The following ARHGAP8 variants were observed in gnomAD, a reference collection of about 807,000 sequenced individuals.
ARHGAP8 encodes rho GTPase-activating protein 8.
ARHGAP8 carries 62 observed loss-of-function variants against 46.1 expected under a neutral mutation model. That is an observed-to-expected ratio of 1.34 (90% confidence interval 1.10 to 1.66). The LOEUF is 1.66. Among genes scored for constraint, ARHGAP8 ranks in the 40% most tolerant of loss-of-function variants. The probability of loss-of-function intolerance (pLI) is 0.00; values close to 1 mark genes in which losing one functional copy is unlikely to be tolerated. For synonymous variants in ARHGAP8, 375 were observed against 243.1 expected, an observed-to-expected ratio of 1.54 and a Z score of -5.05; for missense variants, 923 against 568.4, an observed-to-expected ratio of 1.62 and a Z score of -6.34.
At chr22:44,759,474 G>A (rs1924953758) in intron 1 of ARHGAP8, among the ~76,000 whole-genome samples, 1 of 152,164 alleles carries the variant, frequency 6.6e-6, no homozygotes, top group Non-Finnish European at 1.5e-5. Flanking sequence ...GGGTGCATTA[G>A]CCCATGTAGC....
At position 44,786,518 on chromosome 22, in the gene ARHGAP8, G is replaced by A. The variant is rs753520656; in HGVS notation, c.-10G>A. 1.3e-5 allele frequency: 21 copies of A among 1,613,488 alleles called. No individual in the cohort carries two copies. The highest frequency in any genetic ancestry group is 7.7e-5 in the South Asian group (7 of 90,972). On this transcript the variant is annotated 5_prime_UTR_variant, in exon 2 of 12. Transcript: ENST00000356099. ...TGGGTGCAGTGAGGAAGAGGCCCTCGGTGGTGCCCATGGCTGGCCAGGATC... is the reference window on the plus strand; with the variant it reads ...TGGGTGCAGTGAGGAAGAGGCCCTCAGTGGTGCCCATGGCTGGCCAGGATC...
At chr22:44,818,632 A>T (rs986214985) in intron 5 of ARHGAP8, among the ~76,000 whole-genome samples, 1 of 152,180 alleles carries the variant, frequency 6.6e-6, no homozygotes, top group Non-Finnish European at 1.5e-5. Flanking sequence ...TATTTAAGTC[A>T]TTCCATTGTC....
At position 44,771,597 on chromosome 22, in the gene ARHGAP8, C is replaced by G. The variant is rs185964514; in HGVS notation, c.-71-14860C>G. Among the ~76,000 whole-genome samples the G allele has an allele frequency of 3.3e-3, 492 of 151,306 alleles. 2 individuals are homozygous for G. Among genetic ancestry groups the G allele is most frequent in the Non-Finnish European group, 5.7e-3 (386 of 67,892 alleles). ...GAGACAAAGTCTTGCTCTTGTCCCC[C>G]AGGCTGCAGTGCAATGGCGCAATCT... is the stretch of plus-strand genomic sequence containing the variant. On this transcript the variant is annotated intron_variant, in intron 1 of 11. Coordinates refer to ENST00000356099, the MANE Select transcript of ARHGAP8 (RefSeq NM_181335.3).
chr22:44,862,472 A>G lies in ARHGAP8; in HGVS notation c.1179A>G (p.Ala393=). The change falls in exon 12 of 12, where the codon GCA becomes GCG. Residue 393 remains alanine, a synonymous_variant. Coordinates refer to ENST00000356099, the MANE Select transcript of ARHGAP8 (RefSeq NM_181335.3). ...TPEAPGEHGL[A]PWEQGSRAAP... is the part of the protein sequence containing the mutation. ...AGGCACCTGGGGAGCACGGCCTGGCACCATGGGAACAGGGGAGCAGGGCAG... is the reference window on the plus strand; with the variant it reads ...AGGCACCTGGGGAGCACGGCCTGGCGCCATGGGAACAGGGGAGCAGGGCAG... 1.2e-6 allele frequency: 2 copies of G among 1,613,986 alleles called. No individual in the cohort carries two copies. The highest frequency in any genetic ancestry group is 1.7e-6 in the Non-Finnish European group (2 of 1,179,940).
At position 44,862,753 on chromosome 22, in the gene ARHGAP8, T is replaced by C. The variant is rs6007348; in HGVS notation, c.*158T>C. Reference sequence around the variant, plus strand: ...CCTCTGGTCCTTGGACTCTTGTCCATGGTTCCTGAGCTGTGGACCGGGATA... The same window carrying C: ...CCTCTGGTCCTTGGACTCTTGTCCACGGTTCCTGAGCTGTGGACCGGGATA... On this transcript the variant is annotated 3_prime_UTR_variant, in exon 12 of 12. Coordinates refer to ENST00000356099, the MANE Select transcript of ARHGAP8 (RefSeq NM_181335.3). The C allele has an allele frequency of 6.7e-3, 6,037 of 900,054 alleles. 237 individuals carry two copies. In the African/African-American group the frequency reaches 0.089, roughly 13 times the overall value. The allele number at this position is 900,054 out of a possible 1,614,324, so 55.8% of individuals were successfully genotyped here.
chr22:44,859,575 C>T (rs2070362396), intron 10 of ARHGAP8, 156 bp from the exon 11 acceptor site: 3 of 712,918 alleles, frequency 4.2e-6, no homozygotes, highest in Admixed American at 5.0e-5. Context: ...TGAGCAGAGC[C>T]ATACGGCCAG....
At chr22:44,806,160 C>G (rs992863398) in intron 3 of ARHGAP8, among the ~76,000 whole-genome samples, 3 of 152,164 alleles carry the variant, frequency 2.0e-5, no homozygotes, top group African/African-American at 7.2e-5. Flanking sequence ...GTGAAGAGTT[C>G]TCAGTGGTTC....
intron 7 of ARHGAP8, among the ~76,000 whole-genome samples, chr22:44,841,429 C>G (rs566734693): frequency 6.6e-6 from 1 of 152,076 alleles, no homozygotes; most frequent in Non-Finnish European, 1.5e-5. Flanking sequence ...GCAGAGGTGT[C>G]GAGTAGCTCT....
chr22:44,769,262 G>A (rs1446499814), intron 1 of ARHGAP8, among the ~76,000 whole-genome samples: 3 of 152,138 alleles, frequency 2.0e-5, no homozygotes, highest in Admixed American at 1.3e-4. Context: ...AACACTTCTC[G>A]AAAATCAGCT....
intron 11 of ARHGAP8, 108 bp from the exon 12 acceptor site, chr22:44,862,167 A>C (rs774993906): frequency 5.2e-6 from 7 of 1,355,322 alleles, no homozygotes; most frequent in Middle Eastern, 2.4e-4. Context: ...CTCCCAGTCC[A>C]GTGCTCCTCT....
chr22:44,858,533 CTTT>C (rs10700242), intron 10 of ARHGAP8, among the ~76,000 whole-genome samples: 12 of 89,784 alleles, frequency 1.3e-4, no homozygotes, highest in Non-Finnish European at 1.8e-4. Context: ...CCATACCCGG[CTTT>C]TTTTTTTTTT....
chr22:44,763,698 G>A (rs1026117848), intron 1 of ARHGAP8, among the ~76,000 whole-genome samples: 1 of 151,846 alleles, frequency 6.6e-6, no homozygotes, highest in Non-Finnish European at 1.5e-5. Context: ...AATTCGGGGA[G>A]TTTTGGCAGG....
At position 44,797,217 on chromosome 22, in the gene ARHGAP8, CTT is replaced by C. The variant is rs370851544; in HGVS notation, c.80-4843_80-4842del. ...TTCCAGACATGATAATGCTACTTGG[CTT>C]TTTTTTTTTTTTTTTTAATCCTGAT... On this transcript the variant is annotated intron_variant, in intron 2 of 11. Transcript: ENST00000356099. 4.8e-4 allele frequency among the ~76,000 whole-genome samples: 62 copies of C among 127,904 alleles called. 1 individual carries two copies. Among genetic ancestry groups the C allele is most frequent in the African/African-American group, 8.8e-4 (30 of 33,946 alleles). The allele number at this position is 127,904 out of a possible 152,430, so 83.9% of individuals were successfully genotyped here.
chr22:44,822,963 G>GT, intron 6 of ARHGAP8, among the ~76,000 whole-genome samples: 1 of 152,204 alleles, frequency 6.6e-6, no homozygotes, highest in Non-Finnish European at 1.5e-5. Context: ...CCAGAAAGGC[G>GT]TATGCCACAC....
rs147816304 is a variant in ARHGAP8, at chr22:44,862,521, C to T, written c.1228C>T (p.Arg410Trp). The T allele has an allele frequency of 7.0e-4, 1,127 of 1,611,856 alleles. 9 individuals are homozygous for T. The Middle Eastern group carries it at 8.3e-3, about 12-fold the overall frequency. ...AGCCCCTTTGCAGGAGGCTGTGCCACGGACACAAGCCACGGGCCTCACCAA... is the reference window on the plus strand; with the variant it reads ...AGCCCCTTTGCAGGAGGCTGTGCCATGGACACAAGCCACGGGCCTCACCAA... ...RAAPLQEAVP[R>W]TQATGLTKPT... Residue 410 changes from arginine (R) to tryptophan (W), a missense_variant, in exon 12 of 12, where the codon CGG (arginine) becomes TGG (tryptophan). Coordinates refer to ENST00000356099, the MANE Select transcript of ARHGAP8 (RefSeq NM_181335.3).
At chr22:44,818,658 C>G (rs1006943654) in intron 5 of ARHGAP8, among the ~76,000 whole-genome samples, 14 of 152,166 alleles carry the variant, frequency 9.2e-5, no homozygotes, top group African/African-American at 3.4e-4. Flanking sequence ...AATTCACTGA[C>G]TTAATACATA....
chr22:44,755,644 T>G (rs1396878192), intron 1 of ARHGAP8, among the ~76,000 whole-genome samples: 1 of 152,208 alleles, frequency 6.6e-6, no homozygotes. Context: ...CAGCCTGTTG[T>G]GTCCAGATTT....
chr22:44,840,540 G>A (rs1931582413), intron 7 of ARHGAP8, among the ~76,000 whole-genome samples: 1 of 152,138 alleles, frequency 6.6e-6, no homozygotes, highest in South Asian at 2.1e-4. Flanking sequence ...TAAACAGAGT[G>A]GTTTATAAAC....
intron 2 of ARHGAP8, among the ~76,000 whole-genome samples, 172 bp downstream of exon 2, chr22:44,786,778 G>A (rs1053064634): frequency 2.0e-5 from 3 of 152,120 alleles, no homozygotes; most frequent in Non-Finnish European, 2.9e-5. Context: ...ACTTTGTGAG[G>A]CCAAAGTGGG....
Sources: gnomAD v4.1 joint callset for allele counts (sites outside exome capture counted in the v4.1 genomes callset) on GRCh38, gnomAD v4.1.1 for gene constraint, MANE v1.5 for transcripts, NCBI Gene and HGNC (gene_info 2026-07-23, HGNC 2026-07-21) for gene names.